Variants in RIMS2 observed in about 807,000 individuals in gnomAD.
RIMS2 encodes the protein regulating synaptic membrane exocytosis 2.
A neutral mutation model predicts 174.4 loss-of-function variants in RIMS2; 59 were observed. The ratio of observed to expected loss-of-function variants is 0.34; its 90% CI spans 0.27 to 0.42. The LOEUF is 0.42. RIMS2 is among the 10% of genes least tolerant of loss of function. The probability of loss-of-function intolerance (pLI) is 1.00; values close to 1 mark genes in which losing one functional copy is unlikely to be tolerated. For missense variants in RIMS2, 1,620 were observed against 1,666.3 expected, an observed-to-expected ratio of 0.97 and a Z score of 0.48; for synonymous variants, 606 against 572.5, an observed-to-expected ratio of 1.06 and a Z score of -0.84.
intron 1 of RIMS2, among the ~76,000 whole-genome samples, chr8:103,539,029 A>T (rs542705384): frequency 6.6e-6 from 1 of 152,256 alleles, no homozygotes; most frequent in Non-Finnish European, 1.5e-5. Context: ...TTAATTTTTC[A>T]TAAGTTATTT....
At chr8:103,687,077 C>T (rs1003110183) in intron 1 of RIMS2, among the ~76,000 whole-genome samples, 16 of 151,988 alleles carry the variant, frequency 1.1e-4, no homozygotes, top group Non-Finnish European at 2.1e-4. Flanking sequence ...CATTGGGAAC[C>T]AGAGTTTTAG....
chr8:103,578,325 T>C (rs889973091), intron 1 of RIMS2, among the ~76,000 whole-genome samples: 2 of 150,890 alleles, frequency 1.3e-5, no homozygotes, highest in Non-Finnish European at 3.0e-5. Flanking sequence ...AAGTCAGGAG[T>C]TCAAGATCAG....
intron 3 of RIMS2, among the ~76,000 whole-genome samples, chr8:103,795,172 C>T (rs575819788): frequency 2.0e-5 from 3 of 152,254 alleles, no homozygotes; most frequent in Middle Eastern, 3.4e-3. Context: ...ATAGCAAAGA[C>T]CTGGAACCAA....
chr8:104,199,358 G>A (rs544367366), intron 19 of RIMS2, among the ~76,000 whole-genome samples: 61 of 152,184 alleles, frequency 4.0e-4, no homozygotes, highest in African/African-American at 5.8e-4. Context: ...CACCACGCCC[G>A]GCCTATTTTA....
At chr8:103,689,619 G>T (rs2096987865) in intron 1 of RIMS2, among the ~76,000 whole-genome samples, 1 of 151,804 alleles carries the variant, frequency 6.6e-6, no homozygotes, top group African/African-American at 2.4e-5. Context: ...GACCTTCTTT[G>T]TTTCTTTTTA....
chr8:104,151,888 A>G (rs2098692097), intron 19 of RIMS2, among the ~76,000 whole-genome samples: 1 of 151,966 alleles, frequency 6.6e-6, no homozygotes, highest in African/African-American at 2.4e-5. Flanking sequence ...GAAGAGCCCA[A>G]GAAGAAGAAG....
At chr8:104,148,738 G>A (rs181637406) in intron 19 of RIMS2, 48 of 1,598,342 alleles carry the variant, frequency 3.0e-5, no homozygotes, top group Non-Finnish European at 3.9e-5. Flanking sequence ...ACTGCAGTGG[G>A]CACCTTGGGC....
At chr8:103,870,874 A>C (rs1205898609) in intron 3 of RIMS2, among the ~76,000 whole-genome samples, 1 of 152,194 alleles carries the variant, frequency 6.6e-6, no homozygotes, top group South Asian at 2.1e-4. Flanking sequence ...TACAACCAGA[A>C]TATCTGCTAA....
At chr8:103,787,173 A>G (rs199541461) in intron 3 of RIMS2, among the ~76,000 whole-genome samples, 43 of 147,498 alleles carry the variant, frequency 2.9e-4, no homozygotes, top group African/African-American at 7.5e-4. Flanking sequence ...GTCTCTGCAC[A>G]TGAGATGGGT....
At chr8:103,957,622 G>A (rs1039371543) in intron 14 of RIMS2, among the ~76,000 whole-genome samples, 2 of 152,186 alleles carry the variant, frequency 1.3e-5, no homozygotes, top group Admixed American at 1.3e-4. Flanking sequence ...TGAGGGGCTA[G>A]AGGAGGGATA....
intron 19 of RIMS2, among the ~76,000 whole-genome samples, chr8:104,170,232 G>A (rs530225426): frequency 4.6e-5 from 7 of 152,074 alleles, no homozygotes; most frequent in South Asian, 4.1e-4. Context: ...TTGACTTTCC[G>A]TCTTGAGGAT....
intron 19 of RIMS2, among the ~76,000 whole-genome samples, chr8:104,113,263 A>G (rs748904608): frequency 1.3e-5 from 2 of 152,118 alleles, no homozygotes; most frequent in Non-Finnish European, 2.9e-5. Flanking sequence ...ATTCTATTCC[A>G]GTTTGTATCT....
At chr8:103,678,335 G>A (rs1195499889) in intron 1 of RIMS2, among the ~76,000 whole-genome samples, 1 of 152,078 alleles carries the variant, frequency 6.6e-6, no homozygotes, top group Non-Finnish European at 1.5e-5. Context: ...GGGATAAACT[G>A]GAAAGCAAAA....
intron 1 of RIMS2, among the ~76,000 whole-genome samples, chr8:103,608,572 G>T (rs1338712557): frequency 6.8e-6 from 1 of 146,220 alleles, no homozygotes; most frequent in South Asian, 2.1e-4. Context: ...GGGCAATGGT[G>T]GGCGCCCCTC....
intron 19 of RIMS2, among the ~76,000 whole-genome samples, chr8:104,017,569 A>G (rs972700514): frequency 2.6e-5 from 4 of 151,932 alleles, no homozygotes; most frequent in Non-Finnish European, 5.9e-5. Context: ...CTCTTTTTCT[A>G]GAAGAAAAGT....
intron 19 of RIMS2, among the ~76,000 whole-genome samples, chr8:104,220,644 CT>C (rs1386502924): frequency 1.3e-5 from 2 of 152,170 alleles, no homozygotes; most frequent in Non-Finnish European, 2.9e-5. Context: ...GTTACCCAGG[CT>C]GGAGTGCAGT....
At chr8:103,770,851 AG>A (rs1385881810) in intron 3 of RIMS2, among the ~76,000 whole-genome samples, 1 of 152,090 alleles carries the variant, frequency 6.6e-6, no homozygotes, top group African/African-American at 2.4e-5. Context: ...AGGGAAATGG[AG>A]GTAATGCTAG....
intron 2 of RIMS2, among the ~76,000 whole-genome samples, chr8:103,734,039 T>TTTTTTTTTC (rs2097649680): frequency 1.9e-5 from 2 of 106,170 alleles, no homozygotes; most frequent in African/African-American, 7.5e-5. Context: ...TTTTTTTTTT[T>TTTTTTTTTC]CCCAGACGGA....
intron 3 of RIMS2, among the ~76,000 whole-genome samples, chr8:103,831,187 A>G (rs968293052): frequency 2.6e-5 from 4 of 152,180 alleles, no homozygotes; most frequent in African/African-American, 4.8e-5. Context: ...CTGTTTGTGT[A>G]TAAGTCTTAT....
Sources: gnomAD v4.1 joint callset for allele counts (sites outside exome capture counted in the v4.1 genomes callset) on GRCh38, gnomAD v4.1.1 for gene constraint, MANE v1.5 for transcripts, NCBI Gene and HGNC (gene_info 2026-07-23, HGNC 2026-07-21) for gene names.